The following DLG2 variants were observed in gnomAD, a reference collection of about 807,000 sequenced individuals.
The protein encoded by DLG2 is discs large MAGUK scaffold protein 2.
Under a neutral mutation model 132.5 loss-of-function variants are expected in DLG2, and 45 were observed. The ratio of observed to expected loss-of-function variants is 0.34; its 90% CI spans 0.27 to 0.44. DLG2 has a LOEUF of 0.44. DLG2 is among the 20% of genes least tolerant of loss of function. The probability of loss-of-function intolerance (pLI) is 1.00; values close to 1 mark genes in which losing one functional copy is unlikely to be tolerated. For synonymous variants in DLG2, 424 were observed against 419.6 expected (o/e 1.01, Z -0.13); for missense variants, 1,045 against 1,196.9 (o/e 0.87, Z 1.87).
chr11:85,386,279 GTC>G (rs1237434587), intron 3 of DLG2, among the ~76,000 whole-genome samples: 1 of 152,122 alleles, frequency 6.6e-6, no homozygotes, highest in Non-Finnish European at 1.5e-5. Flanking sequence ...CTCAGAATAA[GTC>G]TCTATGTAGG....
intron 12 of DLG2, among the ~76,000 whole-genome samples, chr11:83,978,292 G>C (rs769328057): frequency 6.6e-5 from 10 of 151,860 alleles, no homozygotes; most frequent in Non-Finnish European, 1.5e-4. Flanking sequence ...CAGAAGAGCT[G>C]CCTGCAACCA....
At position 85,124,870 on chromosome 11, in the gene DLG2, G is replaced by A. The variant is rs534678115; in HGVS notation, c.283-13135C>T. On this transcript the variant is annotated intron_variant, in intron 5 of 27. Coordinates refer to ENST00000376104, the MANE Select transcript of DLG2 (RefSeq NM_001142699.3). Reference sequence around the variant, plus strand: ...TTTTGAGACGGAGTCTCGCTGTGTCGCCCAGGCTGGAGTGCAGTGGCGCAA... The same window carrying A: ...TTTTGAGACGGAGTCTCGCTGTGTCACCCAGGCTGGAGTGCAGTGGCGCAA... Among the ~76,000 whole-genome samples, 278 of 148,290 alleles carry A rather than the reference G, an allele frequency of 1.9e-3. 1 individual carries two copies. The highest frequency in any genetic ancestry group is 6.5e-3 in the African/African-American group (261 of 40,130).
intron 11 of DLG2, among the ~76,000 whole-genome samples, chr11:84,010,768 A>G (rs2094845251): frequency 6.6e-6 from 1 of 152,114 alleles, no homozygotes. Flanking sequence ...ATACCTACTG[A>G]CATGATGTAA....
chr11:84,600,111 A>C, intron 6 of DLG2, among the ~76,000 whole-genome samples: 1 of 150,098 alleles, frequency 6.7e-6, no homozygotes, highest in Non-Finnish European at 1.5e-5. Context: ...AGAAGGAAGG[A>C]AGGAAGGAAA....
At chr11:85,309,429 CAAA>C (rs34393401) in intron 3 of DLG2, among the ~76,000 whole-genome samples, 1 of 143,452 alleles carries the variant, frequency 7.0e-6, no homozygotes. Flanking sequence ...GGTTTTCTAC[CAAA>C]AAAAAAAAAA....
intron 2 of DLG2, among the ~76,000 whole-genome samples, chr11:85,602,819 C>A (rs1157250471): frequency 6.6e-6 from 1 of 152,146 alleles, no homozygotes; most frequent in Non-Finnish European, 1.5e-5. Flanking sequence ...TATATCATGG[C>A]CTCTATACTT....
At chr11:84,528,494 T>C (rs1246934423) in intron 7 of DLG2, among the ~76,000 whole-genome samples, 1 of 152,232 alleles carries the variant, frequency 6.6e-6, no homozygotes, top group Non-Finnish European at 1.5e-5. Context: ...ATTATTCAGC[T>C]AATGATTCAG....
intron 4 of DLG2, among the ~76,000 whole-genome samples, chr11:85,217,930 A>C (rs10898382): frequency 0.87 from 132,763 of 152,170 alleles, 58,289 homozygotes; most frequent in Non-Finnish European, 0.93. Flanking sequence ...ACATTTGAAT[A>C]TTTTATTCCC....
At chr11:84,634,956 G>A (rs564417925) in intron 6 of DLG2, among the ~76,000 whole-genome samples, 4 of 152,310 alleles carry the variant, frequency 2.6e-5, no homozygotes, top group African/African-American at 9.6e-5. Context: ...AATAGATGAA[G>A]ACTACAGGGT....
At chr11:84,940,320 T>G (rs781530359) in intron 6 of DLG2, among the ~76,000 whole-genome samples, 2 of 151,786 alleles carry the variant, frequency 1.3e-5, no homozygotes, top group African/African-American at 4.9e-5. Context: ...CTGGCTAATC[T>G]TTTTGTATTT....
At chr11:84,545,634 C>A in intron 6 of DLG2, 1 of 315,422 alleles carries the variant, frequency 3.2e-6, no homozygotes, top group South Asian at 3.5e-5. Flanking sequence ...TTCATAGAGT[C>A]ATGGTCCTTA....
At chr11:85,021,358 C>A (rs536735331) in intron 6 of DLG2, 2 of 1,306,500 alleles carry the variant, frequency 1.5e-6, no homozygotes, top group South Asian at 2.4e-5. Flanking sequence ...TGCTGCAGAT[C>A]GTTTCACACC....
chr11:85,221,227 A>G (rs776773364), intron 4 of DLG2, among the ~76,000 whole-genome samples: 1 of 151,948 alleles, frequency 6.6e-6, no homozygotes, highest in African/African-American at 2.4e-5. Flanking sequence ...TATTTTTAGT[A>G]GAGATGGGGT....
chr11:85,064,557 A>C (rs2064603293), intron 6 of DLG2, among the ~76,000 whole-genome samples: 1 of 151,728 alleles, frequency 6.6e-6, no homozygotes, highest in East Asian at 1.9e-4. Flanking sequence ...TTCAAAAGGG[A>C]TTATACCATC....
chr11:85,205,846 T>C (rs1339574388), intron 4 of DLG2, among the ~76,000 whole-genome samples: 1 of 152,178 alleles, frequency 6.6e-6, no homozygotes, highest in Non-Finnish European at 1.5e-5. Flanking sequence ...TTTCTAAGAC[T>C]TACTCAAGAT....
At chr11:84,550,903 T>C (rs1349527051) in intron 6 of DLG2, among the ~76,000 whole-genome samples, 1 of 152,188 alleles carries the variant, frequency 6.6e-6, no homozygotes, top group Non-Finnish European at 1.5e-5. Flanking sequence ...GAGCTCCCTT[T>C]TTCCTCAACA....
intron 6 of DLG2, among the ~76,000 whole-genome samples, chr11:84,659,795 C>T (rs1229031595): frequency 6.6e-6 from 1 of 152,090 alleles, no homozygotes; most frequent in African/African-American, 2.4e-5. Context: ...TTACCTTCAA[C>T]TTTTATCATT....
At chr11:85,299,116 A>G (rs1233002786) in intron 3 of DLG2, among the ~76,000 whole-genome samples, 7 of 152,234 alleles carry the variant, frequency 4.6e-5, no homozygotes, top group Non-Finnish European at 8.8e-5. Flanking sequence ...CAAACATACC[A>G]TAGCAAGTTG....
At chr11:84,757,663 CTCATT>C (rs2067065229) in intron 6 of DLG2, among the ~76,000 whole-genome samples, 1 of 152,150 alleles carries the variant, frequency 6.6e-6, no homozygotes, top group Non-Finnish European at 1.5e-5. Flanking sequence ...CATGCATTAT[CTCATT>C]TAATCCCTTA....
Sources: gnomAD v4.1 joint callset for allele counts (sites outside exome capture counted in the v4.1 genomes callset) on GRCh38, gnomAD v4.1.1 for gene constraint, MANE v1.5 for transcripts, NCBI Gene and HGNC (gene_info 2026-07-23, HGNC 2026-07-21) for gene names.